CECR2: variants seen among roughly 807,000 people sequenced by gnomAD.
The protein encoded by CECR2 is CECR2 histone acetyl-lysine reader, also known as chromatin remodeling regulator CECR2.
In CECR2, 30 loss-of-function variants were observed where a neutral mutation model predicts 154.5. That is an observed-to-expected ratio of 0.19 (90% CI 0.15 to 0.26). The LOEUF is 0.26. Among genes scored for constraint, CECR2 ranks in the 10% least tolerant of loss-of-function variants. CECR2 has a pLI of 1.00. For synonymous variants in CECR2, 725 were observed against 683.7 expected, an observed-to-expected ratio of 1.06 and a Z score of -0.94; for missense variants, 1,743 against 1,829.3, an observed-to-expected ratio of 0.95 and a Z score of 0.86.
In CECR2 at chr22:17,552,829, T is replaced by A. The variant is rs1332224194; in HGVS notation, c.4390-6T>A. 5 of 1,529,916 alleles carry A rather than the reference T, an allele frequency of 3.3e-6. No individual in the cohort carries two copies. Among genetic ancestry groups the A allele is most frequent in the Non-Finnish European group, 4.4e-6 (5 of 1,137,432 alleles). The allele number at this position is 1,529,916 out of a possible 1,614,324, so 94.8% of individuals were successfully genotyped here. On this transcript the variant is annotated splice_region_variant and splice_polypyrimidine_tract_variant and intron_variant, in intron 18 of 18. Coordinates refer to ENST00000262608, the MANE Select transcript of CECR2 (RefSeq NM_001290047.2). ...TTTTTGTTTAAAATGTCTTTGTTTCTTTCAGAGCTAGTCCAAGGAGGAAAT... is the reference window on the plus strand; with the variant it reads ...TTTTTGTTTAAAATGTCTTTGTTTCATTCAGAGCTAGTCCAAGGAGGAAAT...
At chr22:17,464,883 C>G (rs1328774936) in intron 1 of CECR2, among the ~76,000 whole-genome samples, 1 of 152,092 alleles carries the variant, frequency 6.6e-6, no homozygotes, top group Non-Finnish European at 1.5e-5. Flanking sequence ...CAATGTACTT[C>G]TGATAGTATT....
intron 1 of CECR2, among the ~76,000 whole-genome samples, chr22:17,436,468 A>C (rs1054004595): frequency 2.0e-5 from 3 of 152,196 alleles, no homozygotes; most frequent in African/African-American, 7.2e-5. Flanking sequence ...TTGACTTGTA[A>C]ACTTCCTTAA....
At chr22:17,412,823 G>T (rs1040791962) in intron 1 of CECR2, among the ~76,000 whole-genome samples, 1 of 152,176 alleles carries the variant, frequency 6.6e-6, no homozygotes, top group African/African-American at 2.4e-5. Context: ...GGCAGGCATC[G>T]TGCAGAGCCG....
In CECR2 at chr22:17,542,839, G is replaced by C; in HGVS notation, c.2696G>C (p.Gly899Ala). ...QQLSSRVCPP[G>A]VPYHPHQPAH... Reference sequence around the variant, plus strand: ...CTCTCCTCCCGCGTCTGCCCCCCAGGTGTGCCTTACCACCCCCACCAGCCT... The same window carrying C: ...CTCTCCTCCCGCGTCTGCCCCCCAGCTGTGCCTTACCACCCCCACCAGCCT... Residue 899 changes from glycine (G) to alanine (A), a missense_variant, in exon 16 of 19, where the codon GGT becomes GCT. Transcript: ENST00000262608. 3 of 1,613,718 alleles carry C rather than the reference G, an allele frequency of 1.9e-6. No homozygotes were observed. Among genetic ancestry groups the C allele is most frequent in the Non-Finnish European group, 1.7e-6 (2 of 1,179,808 alleles).
intron 7 of CECR2, among the ~76,000 whole-genome samples, chr22:17,510,858 G>A (rs542077430): frequency 1.3e-5 from 2 of 152,162 alleles, no homozygotes. Flanking sequence ...GCTCACCTCG[G>A]CCTCCCAAAG....
At position 17,548,681 on chromosome 22, in the gene CECR2, C is replaced by T. The variant is rs759463259; in HGVS notation, c.3394C>T (p.His1132Tyr). ...CCTAGAGTACCCGAATTCAGCTGCC[C>T]ATTACCACATCAGTCCAGGCCTGCA... ...PGLEYPNSAAHYHISPGLQGV... is the reference protein window; with the variant it reads ...PGLEYPNSAAYYHISPGLQGV... Residue 1132 changes from histidine (H) to tyrosine (Y), a missense_variant, in exon 17 of 19, where the codon CAT (histidine) becomes TAT (tyrosine). Physicochemically the swap from His to Tyr is moderately conservative, Grantham distance 83 (BLOSUM62 2). Coordinates refer to ENST00000262608, the MANE Select transcript of CECR2 (RefSeq NM_001290047.2). 3.1e-6 allele frequency: 5 copies of T among 1,613,450 alleles called. No individual in the cohort carries two copies. Among genetic ancestry groups the T allele is most frequent in the South Asian group, 1.1e-5 (1 of 90,934 alleles).
chr22:17,428,715 T>C (rs1442806321), intron 1 of CECR2, among the ~76,000 whole-genome samples: 1 of 152,130 alleles, frequency 6.6e-6, no homozygotes, highest in Non-Finnish European at 1.5e-5. Context: ...TGGGCTCGAA[T>C]GATCCTCTTG....
At chr22:17,500,149 T>G (rs1026674357) in intron 4 of CECR2, among the ~76,000 whole-genome samples, 1 of 150,424 alleles carries the variant, frequency 6.6e-6, no homozygotes, top group Non-Finnish European at 1.5e-5. Flanking sequence ...AGGCTGATCT[T>G]GCAGTGAGCC....
chr22:17,390,783 A>G lies in CECR2; in HGVS notation c.126+20874A>G, dbSNP rs562669088. On this transcript the variant is annotated intron_variant, in intron 1 of 18. Coordinates refer to ENST00000262608, the MANE Select transcript of CECR2 (RefSeq NM_001290047.2). Reference sequence around the variant, plus strand: ...GAGCCACCACTCCTGACCCAAAACCATTTGTTTTTAATATCTGATAAAAAT... The same window carrying G: ...GAGCCACCACTCCTGACCCAAAACCGTTTGTTTTTAATATCTGATAAAAAT... Among the ~76,000 whole-genome samples, 4 of 152,214 alleles carry G rather than the reference A, an allele frequency of 2.6e-5. No individual in the cohort carries two copies. In the South Asian group the frequency reaches 6.2e-4, roughly 24 times the overall value.
chr22:17,516,289 G>A (rs1311986134), intron 8 of CECR2, among the ~76,000 whole-genome samples: 1 of 151,532 alleles, frequency 6.6e-6, no homozygotes, highest in South Asian at 2.1e-4. Context: ...TATATTATAT[G>A]TGTATACATT....
intron 1 of CECR2, among the ~76,000 whole-genome samples, chr22:17,475,071 T>C (rs1001619902): frequency 1.3e-5 from 2 of 152,124 alleles, no homozygotes; most frequent in Non-Finnish European, 2.9e-5. Flanking sequence ...ACAGGACGTG[T>C]AGAAACCTGG....
chr22:17,520,568 TC>T (rs1032883166), intron 8 of CECR2, among the ~76,000 whole-genome samples: 27 of 151,986 alleles, frequency 1.8e-4, no homozygotes, highest in African/African-American at 6.5e-4. Context: ...ATGCTATCCC[TC>T]CCCCAGTCCC....
chr22:17,379,761 G>A (rs2063165091), intron 1 of CECR2, among the ~76,000 whole-genome samples: 1 of 152,108 alleles, frequency 6.6e-6, no homozygotes, highest in African/African-American at 2.4e-5. Context: ...CAGCAAGCAT[G>A]GTGAAATATT....
intron 1 of CECR2, among the ~76,000 whole-genome samples, chr22:17,405,639 CA>C (rs58874516): frequency 3.7e-3 from 266 of 72,316 alleles, no homozygotes; most frequent in South Asian, 7.2e-3. Flanking sequence ...GACTCCATCT[CA>C]AAAAAAAAAA....
chr22:17,453,179 C>G (rs140868300), intron 1 of CECR2, among the ~76,000 whole-genome samples: 171 of 152,300 alleles, frequency 1.1e-3, no homozygotes, highest in African/African-American at 4.0e-3. Flanking sequence ...CAGTGACTTA[C>G]GCCCGTAGTC....
At chr22:17,531,966 C>T (rs1281030531) in intron 9 of CECR2, among the ~76,000 whole-genome samples, 2 of 152,130 alleles carry the variant, frequency 1.3e-5, no homozygotes, top group Non-Finnish European at 2.9e-5. Flanking sequence ...TCCTGGAGTT[C>T]AAGACCAGCC....
intron 1 of CECR2, among the ~76,000 whole-genome samples, chr22:17,467,282 T>G (rs957049034): frequency 6.6e-6 from 1 of 152,184 alleles, no homozygotes; most frequent in African/African-American, 2.4e-5. Context: ...AATCCTCTTA[T>G]GAGAAGCCAG....
Position 17,500,652 on chromosome 22 carries a change from T to C in CECR2, c.567T>C (p.Asn189=). 3.9e-6 allele frequency: 6 copies of C among 1,553,640 alleles called. No individual in the cohort carries two copies. The highest frequency in any genetic ancestry group is 5.2e-6 in the Non-Finnish European group (6 of 1,149,014). Residue 189 remains asparagine, a synonymous_variant, in exon 5 of 19, where the codon AAT becomes AAC. Transcript: ENST00000262608. The stretch of plus-strand genomic sequence containing the variant: ...TTAGGGAAAGTGAAGGACAAAAAAA[T>C]GTCTCAAGTATTCCTGGAAAAACGG... ...SLSRESEGQK[N]VSSIPGKTGK... is the part of the protein sequence containing the mutation.
chr22:17,431,923 C>T (rs1375130251), intron 1 of CECR2, among the ~76,000 whole-genome samples: 1 of 152,194 alleles, frequency 6.6e-6, no homozygotes, highest in East Asian at 1.9e-4. Flanking sequence ...CCAAACCTTT[C>T]AGCAGGCACA....
Sources: allele counts gnomAD v4.1 joint callset (sites outside exome capture counted in the v4.1 genomes callset), GRCh38; gene constraint gnomAD v4.1.1; transcripts MANE v1.5; gene names NCBI Gene and HGNC (gene_info 2026-07-23, HGNC 2026-07-21).